The following AGPAT4 variants were observed in gnomAD, a reference collection of about 807,000 sequenced individuals.
AGPAT4 encodes 1-acyl-sn-glycerol-3-phosphate acyltransferase delta.
Under a neutral mutation model 48.0 loss-of-function variants are expected in AGPAT4, and 15 were observed. That is an observed-to-expected ratio of 0.31 (90% CI 0.21 to 0.48). AGPAT4 has a LOEUF of 0.48. Among genes scored for constraint, AGPAT4 ranks in the 20% least tolerant of loss-of-function variants. The pLI is 0.99. For missense variants in AGPAT4, 314 were observed against 482.5 expected (o/e 0.65, Z 3.27); for synonymous variants, 178 against 198.7 (o/e 0.90, Z 0.88).
rs73596939 is a variant in AGPAT4, at chr6:161,272,907, A to G, written c.-90+1031T>C. Among the ~76,000 whole-genome samples the G allele has an allele frequency of 0.024, 3,692 of 152,342 alleles. 156 individuals carry two copies. The highest frequency in any genetic ancestry group is 0.085 in the African/African-American group (3,542 of 41,570). On this transcript the variant is annotated intron_variant, in intron 1 of 8. Transcript: ENST00000320285. The surrounding 1 kb of genome is among the most constrained non-coding windows in gnomAD (Gnocchi z 4.2). ...AACAATGCACGAAAACGAAAAACGGAGAATCCTGCCCGGCAGTTAATTTGT... is the reference window on the plus strand; with the variant it reads ...AACAATGCACGAAAACGAAAAACGGGGAATCCTGCCCGGCAGTTAATTTGT...
rs1200418592 is a variant in AGPAT4 at position 161,238,592 on chromosome 6, A to C, written c.-89-6290T>G. On this transcript the variant is annotated intron_variant, in intron 1 of 8. Coordinates refer to ENST00000320285, the MANE Select transcript of AGPAT4 (RefSeq NM_020133.3). The surrounding 1 kb of genome is among the most constrained non-coding windows in gnomAD (Gnocchi z 5.2). ...GGAAATAATGCAGTCACAAGCACTC[A>C]CGTGTACTTTACCTTCCTTAACTAT... 6.6e-6 allele frequency among the ~76,000 whole-genome samples: 1 copy of C among 152,180 alleles called. No homozygotes were observed. Among genetic ancestry groups the C allele is most frequent in the Non-Finnish European group, 1.5e-5 (1 of 68,018 alleles).
rs890812622 is a variant in AGPAT4 at position 161,255,835 on chromosome 6, G to A, written c.-90+18103C>T. Among the ~76,000 whole-genome samples, 1 of 152,112 alleles carries A rather than the reference G, an allele frequency of 6.6e-6. No individual in the cohort carries two copies. Among genetic ancestry groups the A allele is most frequent in the Non-Finnish European group, 1.5e-5 (1 of 68,032 alleles). ...AACCATGAATATACAAAAAGCCATT[G>A]CACTGCACACTTGCAATGGGTGAAT... On this transcript the variant is annotated intron_variant, in intron 1 of 8. Transcript: ENST00000320285. The surrounding 1 kb of genome is among the most constrained non-coding windows in gnomAD (Gnocchi z 4.7).
In AGPAT4 at chr6:161,246,583, A is replaced by G. The variant is rs1782655571; in HGVS notation, c.-89-14281T>C. ...CGCCACCACGCCCAGCTAATTTTGT[A>G]TTTTTAGTCTAGATGGGGTTTCTCC... On this transcript the variant is annotated intron_variant, in intron 1 of 8. Transcript: ENST00000320285. This position sits in a 1 kb window ranked among gnomAD's most constrained non-coding sequence, Gnocchi z 5.5. 1.3e-5 allele frequency among the ~76,000 whole-genome samples: 2 copies of G among 151,904 alleles called. No individual in the cohort carries two copies. The highest frequency in any genetic ancestry group is 4.8e-5 in the African/African-American group (2 of 41,328).
rs770300740 is a variant in AGPAT4 at position 161,164,720 on chromosome 6, C to T, written c.348+1528G>A. Among the ~76,000 whole-genome samples the T allele has an allele frequency of 4.6e-5, 7 of 152,268 alleles. No individual in the cohort carries two copies. The highest frequency in any genetic ancestry group is 7.3e-5 in the Non-Finnish European group (5 of 68,028). ...TTACGGAAATAAGGTGAACAGCACA[C>T]GGAGTGAGCTCGTGGGTGTAATGCC... On this transcript the variant is annotated intron_variant, in intron 3 of 8. Coordinates refer to ENST00000320285, the MANE Select transcript of AGPAT4 (RefSeq NM_020133.3). The surrounding 1 kb of genome is among the most constrained non-coding windows in gnomAD (Gnocchi z 7.4).
Position 161,212,189 on chromosome 6 carries a change from T to C in AGPAT4, c.178+19847A>G, listed in dbSNP as rs577501518. ...TCTTATGGTCAAGATTAAAATTTTA[T>C]AGATTGTTTACAAAATTTTGAAAAA... is the stretch of plus-strand genomic sequence containing the variant. On this transcript the variant is annotated intron_variant, in intron 2 of 8. Transcript: ENST00000320285. The surrounding 1 kb of genome is among the most constrained non-coding windows in gnomAD (Gnocchi z 6.1). Among the ~76,000 whole-genome samples the C allele has an allele frequency of 6.6e-6, 1 of 152,206 alleles. No homozygotes were observed. Among genetic ancestry groups the C allele is most frequent in the African/African-American group, 2.4e-5 (1 of 41,466 alleles).
Position 161,161,591 on chromosome 6 carries a change from G to A in AGPAT4, c.348+4657C>T, listed in dbSNP as rs929768806. Reference sequence around the variant, plus strand: ...GGGTGCAAGACCACCCTACAGAGCTGACAAAACCATGGCGGTGGGCATATC... The same window carrying A: ...GGGTGCAAGACCACCCTACAGAGCTAACAAAACCATGGCGGTGGGCATATC... On this transcript the variant is annotated intron_variant, in intron 3 of 8. Coordinates refer to ENST00000320285, the MANE Select transcript of AGPAT4 (RefSeq NM_020133.3). This position sits in a 1 kb window ranked among gnomAD's most constrained non-coding sequence, Gnocchi z 4.6. 2.4e-6 allele frequency: 1 copy of A among 416,160 alleles called. No individual in the cohort carries two copies. The highest frequency in any genetic ancestry group is 2.0e-5 in the African/African-American group (1 of 49,064). The allele number at this position is 416,160 out of a possible 1,614,324, so 25.8% of individuals were successfully genotyped here. A position where few individuals can be genotyped will look rare whatever the true frequency, so the allele number is the denominator to read the frequency against.
chr6:161,199,329 C>T (rs1465218855), intron 2 of AGPAT4, among the ~76,000 whole-genome samples: 1 of 152,194 alleles, frequency 6.6e-6, no homozygotes, highest in Non-Finnish European at 1.5e-5. Context: ...ACTTCAAGGG[C>T]TCAAACCACA....
At chr6:161,239,872 T>G (rs922123257) in intron 1 of AGPAT4, among the ~76,000 whole-genome samples, 3 of 152,156 alleles carry the variant, frequency 2.0e-5, no homozygotes, top group Admixed American at 6.5e-5. Context: ...CTTAAACAGC[T>G]TCATACCACT....
At position 161,255,791 on chromosome 6, in the gene AGPAT4, A is replaced by G. The variant is rs1326239278; in HGVS notation, c.-90+18147T>C. On this transcript the variant is annotated intron_variant, in intron 1 of 8. Transcript: ENST00000320285. This position sits in a 1 kb window ranked among gnomAD's most constrained non-coding sequence, Gnocchi z 4.7. Reference sequence around the variant, plus strand: ...GGTGCTAAAAATGCTCTCAAAGTAGATAGTGGTGATGGTCGCACAACCATG... The same window carrying G: ...GGTGCTAAAAATGCTCTCAAAGTAGGTAGTGGTGATGGTCGCACAACCATG... 6.6e-6 allele frequency among the ~76,000 whole-genome samples: 1 copy of G among 152,152 alleles called. No individual in the cohort carries two copies. The highest frequency in any genetic ancestry group is 2.4e-5 in the African/African-American group (1 of 41,426).
intron 1 of AGPAT4, among the ~76,000 whole-genome samples, chr6:161,241,452 C>T (rs1161097353): frequency 1.3e-5 from 2 of 152,044 alleles, no homozygotes; most frequent in East Asian, 3.9e-4. Context: ...AATAACTAAC[C>T]TTTAGTCCCT....
Position 161,159,798 on chromosome 6 carries a change from C to CGT in AGPAT4, c.349-5490_349-5489dup, listed in dbSNP as rs1338305829. ...AGCTGGGATTACAGGCACCTGCCAC[C>CGT]GTGCCTGGCTAATTTTTTGTATTGT... is the stretch of plus-strand genomic sequence containing the variant. On this transcript the variant is annotated intron_variant, in intron 3 of 8. Transcript: ENST00000320285. The surrounding 1 kb of genome is among the most constrained non-coding windows in gnomAD (Gnocchi z 4.1). Among the ~76,000 whole-genome samples the CGT allele has an allele frequency of 6.6e-6, 1 of 151,880 alleles. No individual in the cohort carries two copies. The highest frequency in any genetic ancestry group is 1.5e-5 in the Non-Finnish European group (1 of 67,998).
rs778699063 is a variant in AGPAT4, at chr6:161,144,082, G to T, written c.843+2442C>A. 1.9e-6 allele frequency: 1 copy of T among 526,246 alleles called. No homozygotes were observed. Among genetic ancestry groups the T allele is most frequent in the Non-Finnish European group, 3.9e-6 (1 of 255,754 alleles). The allele number at this position is 526,246 out of a possible 1,614,324, so 32.6% of individuals were successfully genotyped here. On this transcript the variant is annotated intron_variant, in intron 7 of 8. Coordinates refer to ENST00000320285, the MANE Select transcript of AGPAT4 (RefSeq NM_020133.3). This position sits in a 1 kb window ranked among gnomAD's most constrained non-coding sequence, Gnocchi z 6.6. ...GGGGCACGTAAAGCTTTAGATCTAG[G>T]CTCCTAGCAAAATAGGCTGATACAG...
At chr6:161,152,020 G>C (rs1005898982) in intron 5 of AGPAT4, among the ~76,000 whole-genome samples, 3 of 152,242 alleles carry the variant, frequency 2.0e-5, no homozygotes, top group Non-Finnish European at 4.4e-5. Context: ...AAGGACCTCG[G>C]AGGTGGCTGG....
chr6:161,273,098 C>T (rs1266163365), intron 1 of AGPAT4, among the ~76,000 whole-genome samples: 1 of 152,168 alleles, frequency 6.6e-6, no homozygotes, highest in Non-Finnish European at 1.5e-5. Flanking sequence ...ATGATCTCAC[C>T]TCCTGTAAGG....
chr6:161,264,818 T>C lies in AGPAT4; in HGVS notation c.-90+9120A>G, dbSNP rs889361587. On this transcript the variant is annotated intron_variant, in intron 1 of 8. Coordinates refer to ENST00000320285, the MANE Select transcript of AGPAT4 (RefSeq NM_020133.3). The surrounding 1 kb of genome is among the most constrained non-coding windows in gnomAD (Gnocchi z 6.8). Reference sequence around the variant, plus strand: ...AGAAGGGAGAAGCGAGATGGGAAGATAAAAGGGAGGGACACAGCAGTTATG... The same window carrying C: ...AGAAGGGAGAAGCGAGATGGGAAGACAAAAGGGAGGGACACAGCAGTTATG... Among the ~76,000 whole-genome samples the C allele has an allele frequency of 6.6e-6, 1 of 151,848 alleles. No homozygotes were observed. The highest frequency in any genetic ancestry group is 2.4e-5 in the African/African-American group (1 of 41,320).
intron 2 of AGPAT4, among the ~76,000 whole-genome samples, chr6:161,207,685 G>T (rs1444987391): frequency 6.6e-6 from 1 of 152,334 alleles, no homozygotes; most frequent in East Asian, 1.9e-4. Context: ...GTTAGAAAGC[G>T]ATATTCCTTT....
rs56741331 is a variant in AGPAT4 at position 161,196,816 on chromosome 6, C to CAAA, written c.179-30402_179-30400dup. 9.9e-4 allele frequency among the ~76,000 whole-genome samples: 104 copies of CAAA among 105,138 alleles called. 1 individual carries two copies. The highest frequency in any genetic ancestry group is 2.5e-3 in the African/African-American group (74 of 29,256). The allele number at this position is 105,138 out of a possible 152,430, so 69.0% of individuals were successfully genotyped here. ...AGAGAAAGACTCTATCTCCCCCCGCCAAAAAAAAAAAAAAAATGCCAAGGA... is the reference window on the plus strand; with the variant it reads ...AGAGAAAGACTCTATCTCCCCCCGCCAAAAAAAAAAAAAAAAAAATGCCAAGGA... On this transcript the variant is annotated intron_variant, in intron 2 of 8. Coordinates refer to ENST00000320285, the MANE Select transcript of AGPAT4 (RefSeq NM_020133.3). The surrounding 1 kb of genome is among the most constrained non-coding windows in gnomAD (Gnocchi z 4.3).
chr6:161,193,460 G>A (rs1364896913), intron 2 of AGPAT4, among the ~76,000 whole-genome samples: 1 of 152,288 alleles, frequency 6.6e-6, no homozygotes. Context: ...AGCATCCGGG[G>A]GATCTGAATA....
At position 161,244,249 on chromosome 6, in the gene AGPAT4, C is replaced by T. The variant is rs111480623; in HGVS notation, c.-89-11947G>A. Among the ~76,000 whole-genome samples, 510 of 152,250 alleles carry T rather than the reference C, an allele frequency of 3.3e-3. 2 individuals carry two copies. Among genetic ancestry groups the T allele is most frequent in the South Asian group, 7.5e-3 (36 of 4,822 alleles). On this transcript the variant is annotated intron_variant, in intron 1 of 8. Transcript: ENST00000320285. This position sits in a 1 kb window ranked among gnomAD's most constrained non-coding sequence, Gnocchi z 4.7. ...GTAGGTCACAGTGCCGTCTGCCTCC[C>T]GCAAAGAAGCAGGAAGTCTTCCGGG...
Sources: allele counts gnomAD v4.1 joint callset (sites outside exome capture counted in the v4.1 genomes callset), GRCh38; gene constraint gnomAD v4.1.1; non-coding constraint Gnocchi (gnomAD v3.1); transcripts MANE v1.5; gene names NCBI Gene and HGNC (gene_info 2026-07-23, HGNC 2026-07-21).